Variants in PCDH11X observed in about 807,000 individuals in gnomAD.
PCDH11X encodes the protein protocadherin 11 X-linked.
PCDH11X carries 18 observed loss-of-function variants against 53.3 expected under a neutral mutation model. The observed-to-expected ratio is 0.34, with a 90% CI of 0.23 to 0.50. The LOEUF (loss-of-function observed/expected upper bound fraction) is 0.50. Ranked by LOEUF, PCDH11X falls within the 20% of genes least tolerant of loss-of-function variation. PCDH11X has a pLI of 0.98. For synonymous variants in PCDH11X, 279 were observed against 393.3 expected (o/e 0.71, Z 3.44); for missense variants, 570 against 1,032.4 (o/e 0.55, Z 6.14).
At chrX:92,220,221 T>C (rs1470937463) in intron 7 of PCDH11X, among the ~76,000 whole-genome samples, 1 of 58,930 alleles carries the variant, frequency 1.7e-5, no homozygotes, top group Non-Finnish European at 3.3e-5. Flanking sequence ...ACTAAAGAGC[T>C]TCTGCACAGC....
At chrX:92,010,909 T>G (rs2062679656) in intron 6 of PCDH11X, among the ~76,000 whole-genome samples, 1 of 110,955 alleles carries the variant, frequency 9.0e-6, no homozygotes, top group Non-Finnish European at 1.9e-5. Context: ...CCAGAATCTA[T>G]TGTTCTCATC....
chrX:92,132,651 ATATATGTATATATATATG>A (rs1215827163), intron 6 of PCDH11X, among the ~76,000 whole-genome samples: 10 of 57,006 alleles, frequency 1.8e-4, no homozygotes, highest in South Asian at 6.8e-4. Context: ...ATATATATAT[ATATATGTATATATATATG>A]TATATGTATA....
intron 5 of PCDH11X, among the ~76,000 whole-genome samples, chrX:91,875,277 AT>A (rs1179910381): frequency 0.031 from 1,980 of 63,714 alleles, 34 homozygotes; most frequent in African/African-American, 0.12. Context: ...CAGGGAGGGG[AT>A]TTTTTTTTTT....
chrX:91,828,311 G>A (rs1280720623), intron 4 of PCDH11X, among the ~76,000 whole-genome samples: 8 of 108,746 alleles, frequency 7.4e-5, no homozygotes, highest in Non-Finnish European at 1.3e-4. Flanking sequence ...TAGTAGAGAC[G>A]GGGTTTCACC....
At chrX:92,540,231 A>G (rs1035033295) in intron 10 of PCDH11X, among the ~76,000 whole-genome samples, 7 of 110,210 alleles carry the variant, frequency 6.4e-5, no homozygotes, top group African/African-American at 2.3e-4. Context: ...AATTTACCTA[A>G]TATTTCATTC....
At chrX:92,332,287 C>A (rs914309591) in intron 8 of PCDH11X, among the ~76,000 whole-genome samples, 12 of 111,497 alleles carry the variant, frequency 1.1e-4, no homozygotes, top group Admixed American at 2.8e-4. Flanking sequence ...TTGACAATAG[C>A]TTTTATTTAT....
intron 6 of PCDH11X, among the ~76,000 whole-genome samples, chrX:92,037,165 G>A (rs1400790486): frequency 1.8e-5 from 2 of 110,977 alleles, no homozygotes; most frequent in Non-Finnish European, 3.8e-5. Flanking sequence ...TAGGTTCTAA[G>A]CCTCGCATGC....
intron 6 of PCDH11X, among the ~76,000 whole-genome samples, chrX:92,091,261 A>G (rs1384593392): frequency 9.0e-6 from 1 of 110,904 alleles, no homozygotes; most frequent in Admixed American, 9.6e-5. Context: ...TAATACAATG[A>G]TAACAGAAGG....
intron 10 of PCDH11X, among the ~76,000 whole-genome samples, chrX:92,602,372 A>G (rs1926337956): frequency 8.9e-6 from 1 of 112,768 alleles, no homozygotes. Context: ...ATCAGGAAAA[A>G]GTGCAGAGAA....
intron 7 of PCDH11X, among the ~76,000 whole-genome samples, chrX:92,249,894 T>G (rs1256554990): frequency 8.9e-6 from 1 of 111,746 alleles, no homozygotes; most frequent in Non-Finnish European, 1.9e-5. Context: ...CCTTGTCCGG[T>G]AACTGCAATA....
chrX:92,129,346 G>A (rs2064929704), intron 6 of PCDH11X, among the ~76,000 whole-genome samples: 1 of 111,446 alleles, frequency 9.0e-6, no homozygotes, highest in Non-Finnish European at 1.9e-5. Flanking sequence ...AGCCGAGATC[G>A]TGCCATTGCA....
chrX:92,193,365 T>C (rs2066233532), intron 6 of PCDH11X, among the ~76,000 whole-genome samples: 1 of 111,371 alleles, frequency 9.0e-6, no homozygotes, highest in Non-Finnish European at 1.9e-5. Flanking sequence ...AAAGTATGTA[T>C]AACTTTTGTT....
chrX:92,373,113 C>T (rs1377711282), intron 8 of PCDH11X, among the ~76,000 whole-genome samples: 3 of 107,429 alleles, frequency 2.8e-5, no homozygotes, highest in Non-Finnish European at 3.9e-5. Context: ...TAAACTGACA[C>T]GAGACAGGTC....
At chrX:92,333,437 C>A (rs1057146981) in intron 8 of PCDH11X, among the ~76,000 whole-genome samples, 3 of 111,273 alleles carry the variant, frequency 2.7e-5, no homozygotes. Flanking sequence ...TACTAAATAA[C>A]TAATGTTTTA....
At chrX:92,449,206 A>G (rs1305095511) in intron 9 of PCDH11X, among the ~76,000 whole-genome samples, 2 of 112,221 alleles carry the variant, frequency 1.8e-5, no homozygotes, top group Non-Finnish European at 3.8e-5. Flanking sequence ...TTATTTTTAG[A>G]GAAAAATCTC....
At chrX:92,400,126 T>A (rs1374687442) in intron 9 of PCDH11X, among the ~76,000 whole-genome samples, 2 of 106,840 alleles carry the variant, frequency 1.9e-5, no homozygotes, top group Non-Finnish European at 3.8e-5. Context: ...TGAATATAAA[T>A]GCCGTTTTTA....
intron 6 of PCDH11X, among the ~76,000 whole-genome samples, chrX:92,018,995 G>A (rs1209366390): frequency 3.6e-5 from 4 of 111,570 alleles, no homozygotes; most frequent in Non-Finnish European, 7.5e-5. Context: ...AGGGTAAGAT[G>A]GCTCAATAAA....
intron 6 of PCDH11X, among the ~76,000 whole-genome samples, chrX:91,957,629 G>T (rs926120306): frequency 1.8e-5 from 2 of 111,231 alleles, no homozygotes; most frequent in African/African-American, 6.6e-5. Flanking sequence ...ATAACAGCCA[G>T]ATCCTTCCTC....
chrX:92,141,022 A>G (rs2065170388), intron 6 of PCDH11X, among the ~76,000 whole-genome samples: 2 of 111,800 alleles, frequency 1.8e-5, no homozygotes, highest in South Asian at 3.7e-4. Context: ...ATGGGACAGG[A>G]TCATTCTTCT....
Sources: gnomAD v4.1 joint callset for allele counts (sites outside exome capture counted in the v4.1 genomes callset) on GRCh38, gnomAD v4.1.1 for gene constraint, MANE v1.5 for transcripts, NCBI Gene and HGNC (gene_info 2026-07-23, HGNC 2026-07-21) for gene names.